Variants in AOPEP observed in about 807,000 individuals in gnomAD.
The protein encoded by AOPEP is aminopeptidase O (putative), also known as aminopeptidase O.
A neutral mutation model predicts 98.1 loss-of-function variants in AOPEP; 77 were observed. The observed-to-expected ratio is 0.78, with a 90% CI of 0.65 to 0.95. AOPEP has a LOEUF of 0.95. Among genes scored for constraint, AOPEP ranks in the 40% least tolerant of loss-of-function variants. The pLI is 0.00. For synonymous variants in AOPEP, 346 were observed against 365.3 expected (o/e 0.95, Z 0.60); for missense variants, 1,024 against 1,024.7 (o/e 1.00, Z 0.01).
At chr9:95,098,327 A>ACTAGCTCCCATTTCTGTC in the AOPEP span, among the ~76,000 whole-genome samples, 16 of 151,828 alleles carry the variant, frequency 1.1e-4, no homozygotes, top group South Asian at 2.1e-4. Flanking sequence ...CATCCCCTGG[A>ACTAGCTCCCATTTCTGTC]CTAGCTCCCA....
At chr9:94,777,461 AATAAC>A (rs1842376883) in intron 3 of AOPEP, among the ~76,000 whole-genome samples, 1 of 151,792 alleles carries the variant, frequency 6.6e-6, no homozygotes, top group Non-Finnish European at 1.5e-5. Flanking sequence ...CTAATGTTAA[AATAAC>A]ATAATGTAAA....
the AOPEP span, among the ~76,000 whole-genome samples, chr9:95,112,443 GA>G: frequency 6.6e-6 from 1 of 152,164 alleles, no homozygotes. Flanking sequence ...CGCCTCCCTG[GA>G]CACTGCTGTC....
intron 14 of AOPEP, among the ~76,000 whole-genome samples, chr9:95,069,690 A>G (rs980151389): frequency 2.0e-5 from 3 of 152,198 alleles, no homozygotes; most frequent in African/African-American, 7.2e-5. Flanking sequence ...ATCATACTTG[A>G]CGTTTGTATT....
the AOPEP span, among the ~76,000 whole-genome samples, chr9:95,125,630 TTTTC>T: frequency 6.6e-6 from 1 of 152,216 alleles, no homozygotes; most frequent in African/African-American, 2.4e-5. Flanking sequence ...TACAATTAAT[TTTTC>T]TTTATGTTTG....
At chr9:95,083,287 C>G (rs890884286) in intron 16 of AOPEP, among the ~76,000 whole-genome samples, 1 of 151,796 alleles carries the variant, frequency 6.6e-6, no homozygotes, top group Non-Finnish European at 1.5e-5. Flanking sequence ...GTAGCACACA[C>G]ACTGCATGCA....
Position 94,768,202 on chromosome 9 carries a change from C to T in AOPEP, c.798-4800C>T, listed in dbSNP as rs143164461. On this transcript the variant is annotated intron_variant, in intron 2 of 16. Coordinates refer to ENST00000375315, the MANE Select transcript of AOPEP (RefSeq NM_001193329.3). ...CCCTCCCCAGAGATCAGGTCAGGGC[C>T]TCATCAAGCCACACATGGGGCCACT... is the stretch of plus-strand genomic sequence containing the variant. 2.9e-3 allele frequency among the ~76,000 whole-genome samples: 438 copies of T among 152,224 alleles called. 5 individuals carry two copies. The highest frequency in any genetic ancestry group is 0.01 in the African/African-American group (420 of 41,538).
At chr9:95,033,767 G>A (rs890829127) in intron 13 of AOPEP, among the ~76,000 whole-genome samples, 2 of 152,048 alleles carry the variant, frequency 1.3e-5, no homozygotes, top group East Asian at 1.9e-4. Context: ...ACAGTGTTTC[G>A]TATTTACTTT....
At chr9:94,727,660 AT>A (rs1336807461) in intron 1 of AOPEP, among the ~76,000 whole-genome samples, 2 of 152,238 alleles carry the variant, frequency 1.3e-5, no homozygotes, top group African/African-American at 4.8e-5. Context: ...TTGGTTTTGT[AT>A]TTTTAAAATA....
At chr9:94,747,203 C>A (rs1204957619) in intron 1 of AOPEP, among the ~76,000 whole-genome samples, 1 of 152,138 alleles carries the variant, frequency 6.6e-6, no homozygotes, top group African/African-American at 2.4e-5. Flanking sequence ...ATCTTATTTA[C>A]AGTTTGGCTT....
rs1444178533 is a variant in AOPEP, at chr9:94,996,025, AG to A, written c.1978-9128del. Among the ~76,000 whole-genome samples, 4 of 152,142 alleles carry A rather than the reference AG, an allele frequency of 2.6e-5. No homozygotes were observed. The East Asian group carries it at 5.8e-4, about 22-fold the overall frequency. ...GCTCCCACTCTCCACCTCCACATGC[AG>A]GGGGTGGAAGCAGAACACAGGGAGG... is the stretch of plus-strand genomic sequence containing the variant. On this transcript the variant is annotated intron_variant, in intron 11 of 16. Coordinates refer to ENST00000375315, the MANE Select transcript of AOPEP (RefSeq NM_001193329.3).
rs1352080392 is a variant in AOPEP, at chr9:94,962,848, A to G, written c.1873-4910A>G. Among the ~76,000 whole-genome samples, 3 of 145,716 alleles carry G rather than the reference A, an allele frequency of 2.1e-5. No homozygotes were observed. In the East Asian group the frequency reaches 6.1e-4, roughly 29 times the overall value. ...TGTGGGTTCACGCCATTCTCCCGCC[A>G]TTCTCCTGCCTCAGCCTCCCGAGTA... is the stretch of plus-strand genomic sequence containing the variant. On this transcript the variant is annotated intron_variant, in intron 9 of 16. Transcript: ENST00000375315.
chr9:94,840,381 T>C (rs1317133679), intron 5 of AOPEP, among the ~76,000 whole-genome samples: 1 of 152,198 alleles, frequency 6.6e-6, no homozygotes, highest in Non-Finnish European at 1.5e-5. Flanking sequence ...TTCTTATATA[T>C]TGTTGGATTT....
At chr9:95,026,467 T>C (rs922291016) in intron 13 of AOPEP, among the ~76,000 whole-genome samples, 2 of 152,246 alleles carry the variant, frequency 1.3e-5, no homozygotes, top group Middle Eastern at 3.2e-3. Context: ...CTTACGTGTT[T>C]GTTTTCTTTC....
the AOPEP span, chr9:95,135,403 G>C: frequency 6.2e-7 from 1 of 1,614,020 alleles, no homozygotes; most frequent in Non-Finnish European, 8.5e-7. Context: ...TCTCACTGGA[G>C]ATTAGCTTTT....
At chr9:95,131,898 A>AG in the AOPEP span, among the ~76,000 whole-genome samples, 1 of 152,182 alleles carries the variant, frequency 6.6e-6, no homozygotes, top group Non-Finnish European at 1.5e-5. Flanking sequence ...CTGGAGAATG[A>AG]GGGAAAAAAA....
the AOPEP span, among the ~76,000 whole-genome samples, chr9:95,112,822 G>C: frequency 6.6e-6 from 1 of 152,218 alleles, no homozygotes; most frequent in African/African-American, 2.4e-5. Flanking sequence ...TCCAAGGTCT[G>C]GATTGAAGTG....
At chr9:94,749,519 A>G (rs1835220571) in intron 1 of AOPEP, among the ~76,000 whole-genome samples, 1 of 152,180 alleles carries the variant, frequency 6.6e-6, no homozygotes. Context: ...TTGCCTGTCC[A>G]TCTTGGACTC....
At chr9:95,085,579 G>T (rs1300770190) in intron 16 of AOPEP, 2 of 450,668 alleles carry the variant, frequency 4.4e-6, no homozygotes, top group South Asian at 3.3e-5. Flanking sequence ...TGGGGCAGAG[G>T]CCGTTGCTGA....
At chr9:95,056,907 C>G (rs953941055) in intron 13 of AOPEP, among the ~76,000 whole-genome samples, 1 of 152,142 alleles carries the variant, frequency 6.6e-6, no homozygotes, top group Non-Finnish European at 1.5e-5. Flanking sequence ...AGTTCTCTTG[C>G]AAGTACCCAC....
Sources: allele counts gnomAD v4.1 joint callset (sites outside exome capture counted in the v4.1 genomes callset), GRCh38; gene constraint gnomAD v4.1.1; transcripts MANE v1.5; gene names NCBI Gene and HGNC (gene_info 2026-07-23, HGNC 2026-07-21).